The following HDX variants were observed in gnomAD, a reference collection of about 807,000 sequenced individuals.
HDX encodes the protein chromosome X open reading frame 43.
A neutral mutation model predicts 45.2 loss-of-function variants in HDX; 19 were observed. The observed-to-expected ratio is 0.42, with a 90% confidence interval of 0.29 to 0.62. HDX has a LOEUF of 0.62. HDX is among the 20% of genes least tolerant of loss of function. The pLI, the probability that HDX is intolerant of heterozygous loss-of-function variation, is 0.20. For missense variants in HDX, 532 were observed against 493.9 expected (o/e 1.08, Z -0.73); for synonymous variants, 188 against 172.8 (o/e 1.09, Z -0.69).
chrX:84,409,769 G>C (rs1439362361), intron 5 of HDX, among the ~76,000 whole-genome samples: 1 of 105,067 alleles, frequency 9.5e-6, no homozygotes, highest in Non-Finnish European at 2.0e-5. Flanking sequence ...TATACCTAAT[G>C]CTAAATGACG....
intron 5 of HDX, among the ~76,000 whole-genome samples, chrX:84,434,807 TA>T (rs1328682675): frequency 9.0e-6 from 1 of 111,643 alleles, no homozygotes; most frequent in Non-Finnish European, 1.9e-5. Context: ...CCTGGACTTT[TA>T]TTTTTTGGAA....
At chrX:84,341,195 G>A (rs2037077389) in intron 7 of HDX, among the ~76,000 whole-genome samples, 1 of 110,502 alleles carries the variant, frequency 9.0e-6, no homozygotes, top group Non-Finnish European at 1.9e-5. Context: ...CACTCAGCAG[G>A]CTCTAAAACA....
chrX:84,369,090 A>G (rs774886993), intron 5 of HDX, among the ~76,000 whole-genome samples: 1 of 110,307 alleles, frequency 9.1e-6, no homozygotes, highest in South Asian at 3.9e-4. Flanking sequence ...CCCTCCCCAA[A>G]CCCCACGCAA....
chrX:84,454,693 A>G (rs747625726), intron 4 of HDX, among the ~76,000 whole-genome samples: 1 of 111,006 alleles, frequency 9.0e-6, no homozygotes, highest in South Asian at 3.9e-4. Flanking sequence ...TAGCACTGAT[A>G]ATTGTAGAGC....
intron 1 of HDX, among the ~76,000 whole-genome samples, chrX:84,493,375 A>G (rs1353445826): frequency 1.8e-5 from 2 of 111,710 alleles, no homozygotes; most frequent in Non-Finnish European, 3.8e-5. Flanking sequence ...TTATCATATG[A>G]TTTTCTCAGG....
chrX:84,486,189 G>T (rs1158595965), intron 2 of HDX, among the ~76,000 whole-genome samples: 1 of 110,536 alleles, frequency 9.0e-6, no homozygotes, highest in Non-Finnish European at 1.9e-5. Context: ...ATTTTTAAGT[G>T]ATTGTTTTAA....
At chrX:84,429,551 T>G (rs1039735228) in intron 5 of HDX, among the ~76,000 whole-genome samples, 1 of 111,049 alleles carries the variant, frequency 9.0e-6, no homozygotes, top group Non-Finnish European at 1.9e-5. Context: ...ATCTCACTTA[T>G]TAGCCTTAGT....
At chrX:84,388,475 C>T (rs185130493) in intron 5 of HDX, among the ~76,000 whole-genome samples, 33 of 111,587 alleles carry the variant, frequency 3.0e-4, no homozygotes, top group African/African-American at 1.0e-3. Flanking sequence ...TCCCATATTT[C>T]TAAGAGGTTT....
At chrX:84,444,621 T>C (rs2039834351) in intron 4 of HDX, among the ~76,000 whole-genome samples, 1 of 111,186 alleles carries the variant, frequency 9.0e-6, no homozygotes, top group Non-Finnish European at 1.9e-5. Context: ...GAATTGCAAC[T>C]TTAAAAGTAA....
At chrX:84,435,447 G>A (rs984319795) in intron 5 of HDX, among the ~76,000 whole-genome samples, 6 of 110,607 alleles carry the variant, frequency 5.4e-5, no homozygotes, top group African/African-American at 2.0e-4. Context: ...GTTCATTGTA[G>A]ATTCTGGATA....
chrX:84,375,791 G>A lies in HDX; in HGVS notation c.1306-14179C>T, dbSNP rs1030034599. 8.2e-5 allele frequency among the ~76,000 whole-genome samples: 9 copies of A among 110,337 alleles called. No individual in the cohort carries two copies. The East Asian group carries it at 2.3e-3, about 28-fold the overall frequency. ...GATAGCATTAGGAGATATACCTAATGCTAAATGACGAGTTAATGGGTGCAG... is the reference window on the plus strand; with the variant it reads ...GATAGCATTAGGAGATATACCTAATACTAAATGACGAGTTAATGGGTGCAG... On this transcript the variant is annotated intron_variant, in intron 5 of 10. Coordinates refer to ENST00000373177, the MANE Select transcript of HDX (RefSeq NM_001177479.2).
intron 2 of HDX, among the ~76,000 whole-genome samples, chrX:84,481,676 A>G (rs1272958653): frequency 2.7e-5 from 3 of 111,116 alleles, no homozygotes; most frequent in Non-Finnish European, 5.7e-5. Flanking sequence ...CTTAAATTTC[A>G]GTGACCACCA....
chrX:84,457,526 T>C lies in HDX; in HGVS notation c.1251+10946A>G, dbSNP rs779493978. ...ATGGAAGGGAGTGAGAGGGAGCCTA[T>C]GTACACATTTGAAACTGTAATAAGA... On this transcript the variant is annotated intron_variant, in intron 4 of 10. Transcript: ENST00000373177. 1.5e-3 allele frequency among the ~76,000 whole-genome samples: 163 copies of C among 111,843 alleles called. 1 individual carries two copies. The highest frequency in any genetic ancestry group is 2.1e-3 in the Non-Finnish European group (109 of 53,046).
intron 4 of HDX, among the ~76,000 whole-genome samples, chrX:84,443,730 T>G (rs1008493836): frequency 8.9e-6 from 1 of 112,160 alleles, no homozygotes; most frequent in Non-Finnish European, 1.9e-5. Flanking sequence ...CAAATGAGAA[T>G]TATTTGTCAC....
chrX:84,396,032 C>T (rs1214840171), intron 5 of HDX, among the ~76,000 whole-genome samples: 1 of 111,766 alleles, frequency 8.9e-6, no homozygotes, highest in East Asian at 2.8e-4. Flanking sequence ...ATCATTATTA[C>T]AAATTATTTT....
rs769581975 is a variant in HDX, at chrX:84,358,492, T to C, written c.1452+2974A>G. 7.2e-5 allele frequency among the ~76,000 whole-genome samples: 8 copies of C among 111,744 alleles called. No individual in the cohort carries two copies. The East Asian group carries it at 2.3e-3, about 31-fold the overall frequency. On this transcript the variant is annotated intron_variant, in intron 6 of 10. Transcript: ENST00000373177. ...GTCATTTTTTTTCTTGTGTCATCCC[T>C]CTTGCTAGACTCTGAGCTCCTTAAA...
At chrX:84,359,598 G>A (rs2037569804) in intron 6 of HDX, among the ~76,000 whole-genome samples, 1 of 111,666 alleles carries the variant, frequency 9.0e-6, no homozygotes. Context: ...ATCACTGATG[G>A]ACATGTGGGT....
intron 5 of HDX, chrX:84,404,097 T>A (rs374383280): frequency 1.8e-5 from 2 of 111,436 alleles, no homozygotes; most frequent in East Asian, 5.6e-4. Flanking sequence ...GGTAATCTCA[T>A]TATTAAATTG....
chrX:84,493,831 T>C (rs1231636485), intron 1 of HDX, among the ~76,000 whole-genome samples: 1 of 111,355 alleles, frequency 9.0e-6, no homozygotes, highest in East Asian at 2.8e-4. Context: ...AATTTAATTA[T>C]ATATTTTAAA....
Sources: allele counts gnomAD v4.1 joint callset (sites outside exome capture counted in the v4.1 genomes callset), GRCh38; gene constraint gnomAD v4.1.1; transcripts MANE v1.5; gene names NCBI Gene and HGNC (gene_info 2026-07-23, HGNC 2026-07-21).